LMLN: variants seen among roughly 807,000 people sequenced by gnomAD.
LMLN encodes leishmanolysin like peptidase, also known as leishmanolysin-like peptidase.
A neutral mutation model predicts 92.3 loss-of-function variants in LMLN; 70 were observed. The ratio of observed to expected loss-of-function variants is 0.76; its 90% CI spans 0.63 to 0.92. The LOEUF is 0.92. Among genes scored for constraint, LMLN ranks in the 40% least tolerant of loss-of-function variants. The pLI is 0.00. For missense variants in LMLN, 691 were observed against 814.6 expected, an observed-to-expected ratio of 0.85 and a Z score of 1.85; for synonymous variants, 308 against 296.2, an observed-to-expected ratio of 1.04 and a Z score of -0.41.
At chr3:197,974,551 T>C (rs1721316245) in intron 2 of LMLN, 77 bp downstream of exon 2, 1 of 748,354 alleles carries the variant, frequency 1.3e-6, no homozygotes, top group Non-Finnish European at 2.1e-6. Flanking sequence ...TTACCTGAAG[T>C]TCTAAGAATC....
intron 1 of LMLN, among the ~76,000 whole-genome samples, chr3:197,973,330 C>T (rs1721282115): frequency 1.3e-5 from 2 of 152,122 alleles, no homozygotes; most frequent in South Asian, 2.1e-4. Flanking sequence ...CAAGCTCCAC[C>T]TCCTGGGTTC....
chr3:197,990,556 C>T lies in LMLN; in HGVS notation c.930-3C>T, dbSNP rs377720696. 5 of 1,256,354 alleles carry T rather than the reference C, an allele frequency of 4.0e-6. No individual in the cohort carries two copies. In the African/African-American group the frequency reaches 7.4e-5, roughly 19 times the overall value. 77.8% of individuals were successfully genotyped at this position (1,256,354 alleles called of 1,614,324 possible). A position where few individuals can be genotyped will look rare whatever the true frequency, so the allele number is the denominator to read the frequency against. Reference sequence around the variant, plus strand: ...TAATTGTGTTTTAATTCTATAATTACAGTCTGGGATTATATCAATGGAGTG... The same window carrying T: ...TAATTGTGTTTTAATTCTATAATTATAGTCTGGGATTATATCAATGGAGTG... On this transcript the variant is annotated splice_polypyrimidine_tract_variant and splice_region_variant and intron_variant, in intron 8 of 15. Transcript: ENST00000330198.
At chr3:197,964,691 C>A (rs1721002534) in intron 1 of LMLN, among the ~76,000 whole-genome samples, 1 of 151,156 alleles carries the variant, frequency 6.6e-6, no homozygotes, top group African/African-American at 2.4e-5. Context: ...GCCACCACGC[C>A]CGGCCTAAAA....
chr3:197,981,338 C>T (rs928481281), intron 6 of LMLN, among the ~76,000 whole-genome samples: 12 of 152,150 alleles, frequency 7.9e-5, no homozygotes, highest in Admixed American at 6.5e-5. Flanking sequence ...CACCACTGCA[C>T]TCCAGCCTGG....
At chr3:197,980,821 G>A (rs1274437294) in intron 6 of LMLN, 1 of 232,498 alleles carries the variant, frequency 4.3e-6, no homozygotes, top group East Asian at 1.1e-4. Flanking sequence ...CTGCTGTCAA[G>A]TGGGCCAAGT....
rs1722110617 is a variant in LMLN, at chr3:197,999,361, G to A, written c.1232+19G>A. On this transcript the variant is annotated intron_variant, in intron 11 of 15. Transcript: ENST00000330198. ...ACACTGGGTAAGACAGCTGTGACAA[G>A]AGGATATGAATTGCTTATGAAAATG... 6.5e-7 allele frequency: 1 copy of A among 1,531,172 alleles called. No homozygotes were observed. Among genetic ancestry groups the A allele is most frequent in the African/African-American group, 1.4e-5 (1 of 73,248 alleles). 94.8% of individuals were successfully genotyped at this position (1,531,172 alleles called of 1,614,324 possible). A position where few individuals can be genotyped will look rare whatever the true frequency, so the allele number is the denominator to read the frequency against.
intron 15 of LMLN, among the ~76,000 whole-genome samples, chr3:198,036,470 A>G (rs1723237487): frequency 6.6e-6 from 1 of 152,146 alleles, no homozygotes; most frequent in Admixed American, 6.6e-5. Context: ...GAATTGGCAT[A>G]CCCACAAAGA....
chr3:197,975,217 G>T, intron 3 of LMLN, 145 bp downstream of exon 3: 1 of 517,210 alleles, frequency 1.9e-6, no homozygotes, highest in East Asian at 3.1e-5. Flanking sequence ...TTTCACAAAA[G>T]GTGTCTTTGT....
intron 14 of LMLN, among the ~76,000 whole-genome samples, chr3:198,030,530 T>C (rs1233413024): frequency 2.6e-5 from 4 of 152,224 alleles, no homozygotes; most frequent in Admixed American, 2.6e-4. Flanking sequence ...TAGAACCAGA[T>C]ACCTGAGGTA....
chr3:198,021,659 C>T, intron 13 of LMLN, 54 bp downstream of exon 14: 1 of 1,493,368 alleles, frequency 6.7e-7, no homozygotes. Context: ...TATGTATTAG[C>T]AATATAGAAT....
chr3:197,986,843 T>C (rs1721720918), intron 8 of LMLN, among the ~76,000 whole-genome samples: 1 of 141,316 alleles, frequency 7.1e-6, no homozygotes, highest in African/African-American at 3.0e-5. Flanking sequence ...AAATTTTTTT[T>C]CTTTTTTTTT....
rs76857869 is a variant in LMLN at position 197,978,428 on chromosome 3, G to A, written c.549+1713G>A. On this transcript the variant is annotated intron_variant, in intron 5 of 15. Coordinates refer to ENST00000330198, the Ensembl canonical transcript of LMLN. ...AGGCAGGCAGATTGCTTGACTCCGGGAGTTTAAGACTAGCCTTGGCAACAT... is the reference window on the plus strand; with the variant it reads ...AGGCAGGCAGATTGCTTGACTCCGGAAGTTTAAGACTAGCCTTGGCAACAT... Among the ~76,000 whole-genome samples the A allele has an allele frequency of 4.3e-3, 662 of 152,266 alleles. 3 individuals carry two copies. The highest frequency in any genetic ancestry group is 0.015 in the African/African-American group (604 of 41,556).
chr3:198,014,641 C>A (rs1188823961), intron 11 of LMLN, among the ~76,000 whole-genome samples: 1 of 131,104 alleles, frequency 7.6e-6, no homozygotes, highest in Non-Finnish European at 1.6e-5. Flanking sequence ...AGTCTGACTT[C>A]TCTCCACCCT....
chr3:198,038,719 C>T (rs762419708), exon 16 of LMLN: 2 of 1,404,174 alleles, frequency 1.4e-6, no homozygotes, highest in East Asian at 2.3e-5. Flanking sequence ...TTCTTGTGAA[C>T]AAAGCACAAA....
At chr3:198,010,108 T>C (rs546731636) in intron 11 of LMLN, among the ~76,000 whole-genome samples, 1 of 152,310 alleles carries the variant, frequency 6.6e-6, no homozygotes, top group Non-Finnish European at 1.5e-5. Context: ...TGCTCCCTGC[T>C]ATATCTTTCC....
At chr3:198,002,446 A>ACTACGT (rs2109904093) in intron 11 of LMLN, among the ~76,000 whole-genome samples, 1 of 152,334 alleles carries the variant, frequency 6.6e-6, no homozygotes, top group East Asian at 1.9e-4. Flanking sequence ...TTTAAAAACT[A>ACTACGT]ATGGACATAG....
At chr3:197,981,860 A>G (rs1192456254) in intron 6 of LMLN, among the ~76,000 whole-genome samples, 1 of 150,172 alleles carries the variant, frequency 6.7e-6, no homozygotes, top group Non-Finnish European at 1.5e-5. Flanking sequence ...GCTGGAGTGC[A>G]GTGGCGTGAT....
exon 8 of LMLN, chr3:197,985,827 A>G: frequency 6.2e-7 from 1 of 1,613,710 alleles, no homozygotes; most frequent in South Asian, 1.1e-5. Flanking sequence ...GCATTCTACC[A>G]TGATAAAGAT....
At chr3:197,974,228 G>A in intron 1 of LMLN, 149 bp from the exon 2 acceptor site, 1 of 580,866 alleles carries the variant, frequency 1.7e-6, no homozygotes, top group Non-Finnish European at 3.0e-6. Flanking sequence ...GAGCTTTGAG[G>A]TTCAAGAATG....
Sources: allele counts gnomAD v4.1 joint callset (sites outside exome capture counted in the v4.1 genomes callset), GRCh38; gene constraint gnomAD v4.1.1; transcripts MANE v1.5; gene names NCBI Gene and HGNC (gene_info 2026-07-23, HGNC 2026-07-21).